VPS41: variants seen among roughly 807,000 people sequenced by gnomAD.
VPS41 encodes VPS41 subunit of HOPS complex.
Under a neutral mutation model 130.9 loss-of-function variants are expected in VPS41, and 85 were observed. The ratio of observed to expected loss-of-function variants is 0.65; its 90% CI spans 0.55 to 0.78. The LOEUF is 0.78. VPS41 is among the 30% of genes least tolerant of loss of function. The pLI, the probability that VPS41 is intolerant of heterozygous loss-of-function variation, is 0.00. For missense variants in VPS41, 874 were observed against 1,018.7 expected, an observed-to-expected ratio of 0.86 and a Z score of 1.93; for synonymous variants, 335 against 332.9, an observed-to-expected ratio of 1.01 and a Z score of -0.07.
chr7:38,785,219 T>C (rs1372481143), intron 10 of VPS41, among the ~76,000 whole-genome samples: 1 of 152,168 alleles, frequency 6.6e-6, no homozygotes, highest in African/African-American at 2.4e-5. Context: ...TCACTGAAAA[T>C]ACATTTGGAA....
chr7:38,754,309 A>G (rs1407625824), intron 21 of VPS41, among the ~76,000 whole-genome samples: 1 of 152,218 alleles, frequency 6.6e-6, no homozygotes, highest in Non-Finnish European at 1.5e-5. Context: ...TTACTGTGAT[A>G]TATGCCATGG....
At chr7:38,752,132 A>G (rs2115703129) in intron 22 of VPS41, 44 bp downstream of exon 22, 1 of 1,610,570 alleles carries the variant, frequency 6.2e-7, no homozygotes, top group Middle Eastern at 1.7e-4. Context: ...ATCAATGACA[A>G]CCTCTTCATC....
intron 15 of VPS41, among the ~76,000 whole-genome samples, chr7:38,765,991 G>A (rs1342456685): frequency 6.6e-6 from 1 of 152,136 alleles, no homozygotes; most frequent in African/African-American, 2.4e-5. Flanking sequence ...TGCTGGTTTC[G>A]GGAGACCTTT....
At chr7:38,901,435 T>C (rs1232439379) in intron 1 of VPS41, among the ~76,000 whole-genome samples, 1 of 152,226 alleles carries the variant, frequency 6.6e-6, no homozygotes, top group African/African-American at 2.4e-5. Flanking sequence ...AGGCTGCTTC[T>C]ACTCATGGCA....
chr7:38,746,757 G>A (rs936491541), intron 22 of VPS41, among the ~76,000 whole-genome samples: 4 of 152,046 alleles, frequency 2.6e-5, no homozygotes, highest in Non-Finnish European at 4.4e-5. Flanking sequence ...GACTTACAAG[G>A]CATCCACAAC....
At chr7:38,755,612 G>A (rs979586966) in intron 19 of VPS41, among the ~76,000 whole-genome samples, 2 of 152,156 alleles carry the variant, frequency 1.3e-5, no homozygotes, top group Non-Finnish European at 2.9e-5. Flanking sequence ...CTAGCTGTCT[G>A]CTCCAAATGT....
intron 12 of VPS41, among the ~76,000 whole-genome samples, chr7:38,773,483 T>C (rs2115851756): frequency 6.6e-6 from 1 of 152,306 alleles, no homozygotes; most frequent in Middle Eastern, 3.4e-3. Context: ...CAAATGTCAA[T>C]TGTGTTTAAA....
chr7:38,855,604 C>T (rs555042961), intron 4 of VPS41, among the ~76,000 whole-genome samples: 71 of 152,010 alleles, frequency 4.7e-4, no homozygotes, highest in Non-Finnish European at 8.7e-4. Flanking sequence ...AAGAATGTTT[C>T]GCTACATAAG....
At chr7:38,755,935 C>T (rs992356665) in intron 19 of VPS41, among the ~76,000 whole-genome samples, 5 of 152,078 alleles carry the variant, frequency 3.3e-5, no homozygotes, top group Non-Finnish European at 5.9e-5. Context: ...AATCTGTAGT[C>T]CCTAAAGACT....
chr7:38,831,930 G>GA (rs1298398546), intron 4 of VPS41, among the ~76,000 whole-genome samples: 1 of 151,944 alleles, frequency 6.6e-6, no homozygotes, highest in Non-Finnish European at 1.5e-5. Flanking sequence ...CATTATGGGG[G>GA]AAAAAAATCA....
chr7:38,852,011 G>C (rs984513553), intron 4 of VPS41, among the ~76,000 whole-genome samples: 2 of 152,138 alleles, frequency 1.3e-5, no homozygotes, highest in Non-Finnish European at 2.9e-5. Context: ...TAAAGACTGG[G>C]CAACCAAATG....
chr7:38,795,159 T>A (rs1459335833), intron 9 of VPS41, among the ~76,000 whole-genome samples: 2 of 152,044 alleles, frequency 1.3e-5, no homozygotes, highest in Non-Finnish European at 2.9e-5. Flanking sequence ...ACAACAAAAC[T>A]AACCCCATGT....
chr7:38,808,757 T>C (rs750691154), intron 7 of VPS41, among the ~76,000 whole-genome samples: 3 of 152,184 alleles, frequency 2.0e-5, no homozygotes, highest in Non-Finnish European at 4.4e-5. Context: ...GAACTGCTAA[T>C]GTCAAAACCC....
chr7:38,802,775 G>A (rs1375390207), intron 7 of VPS41, among the ~76,000 whole-genome samples: 2 of 151,986 alleles, frequency 1.3e-5, no homozygotes, highest in East Asian at 1.9e-4. Flanking sequence ...CAGACCTACT[G>A]AGCACGAATG....
chr7:38,795,405 T>C, intron 9 of VPS41, 60 bp downstream of exon 9: 1 of 1,493,026 alleles, frequency 6.7e-7, no homozygotes, highest in Non-Finnish European at 9.0e-7. Context: ...CACAGTCCTT[T>C]GGACCACCCT....
At chr7:38,755,629 T>C (rs1369439634) in intron 19 of VPS41, among the ~76,000 whole-genome samples, 1 of 152,184 alleles carries the variant, frequency 6.6e-6, no homozygotes, top group African/African-American at 2.4e-5. Context: ...ATGTTACTTT[T>C]GTTCTCTGAA....
chr7:38,768,107 A>G (rs937565020), intron 14 of VPS41, among the ~76,000 whole-genome samples: 9 of 152,186 alleles, frequency 5.9e-5, no homozygotes, highest in Non-Finnish European at 1.2e-4. Flanking sequence ...CTGTGATTCA[A>G]ACCCATCAGT....
chr7:38,847,776 G>C (rs1401306630), intron 4 of VPS41, among the ~76,000 whole-genome samples: 1 of 152,110 alleles, frequency 6.6e-6, no homozygotes, highest in Non-Finnish European at 1.5e-5. Context: ...TAGGAGTAAA[G>C]GTGTGTTCTT....
chr7:38,801,292 C>T (rs2116013227), intron 7 of VPS41, among the ~76,000 whole-genome samples: 1 of 152,300 alleles, frequency 6.6e-6, no homozygotes, highest in South Asian at 2.1e-4. Context: ...TGCAGACAGG[C>T]ACATGCCATT....
Sources: gnomAD v4.1 joint callset for allele counts (sites outside exome capture counted in the v4.1 genomes callset) on GRCh38, gnomAD v4.1.1 for gene constraint, MANE v1.5 for transcripts, NCBI Gene and HGNC (gene_info 2026-07-23, HGNC 2026-07-21) for gene names.